CYP4Z1: variants seen among roughly 807,000 people sequenced by gnomAD.
The protein encoded by CYP4Z1 is cytochrome P450 4Z1.
Under a neutral mutation model 54.2 loss-of-function variants are expected in CYP4Z1, and 41 were observed. That is an observed-to-expected ratio of 0.76 (90% CI 0.59 to 0.98). The LOEUF is 0.98. CYP4Z1 is among the 50% of genes least tolerant of loss of function. CYP4Z1 has a pLI of 0.00. For missense variants in CYP4Z1, 513 were observed against 599.0 expected, an observed-to-expected ratio of 0.86 and a Z score of 1.50; for synonymous variants, 163 against 206.2, an observed-to-expected ratio of 0.79 and a Z score of 1.79.
At chr1:47,086,818 T>C (rs1476488606) in intron 6 of CYP4Z1, among the ~76,000 whole-genome samples, 4 of 152,226 alleles carry the variant, frequency 2.6e-5, no homozygotes, top group Non-Finnish European at 5.9e-5. Context: ...AGGGTTTTTA[T>C]GGTTTTATGT....
At position 47,070,339 on chromosome 1, in the gene CYP4Z1, T is replaced by C. The variant is rs1644481868; in HGVS notation, c.319+1576T>C. 1.7e-5 allele frequency among the ~76,000 whole-genome samples: 2 copies of C among 114,980 alleles called. 1 individual carries two copies. The allele number at this position is 114,980 out of a possible 152,430, so 75.4% of individuals were successfully genotyped here. ...TTTACCATTTTAAATCACTTTTAAG[T>C]ATACAATTTAATGGCATTAAATACA... On this transcript the variant is annotated intron_variant, in intron 2 of 11. Coordinates refer to ENST00000334194, the MANE Select transcript of CYP4Z1 (RefSeq NM_178134.3).
At chr1:47,084,004 T>C (rs1167647837) in intron 4 of CYP4Z1, among the ~76,000 whole-genome samples, 1 of 152,212 alleles carries the variant, frequency 6.6e-6, no homozygotes, top group African/African-American at 2.4e-5. Flanking sequence ...AATATTTATA[T>C]TGAAATGGAG....
chr1:47,057,753 A>G, the CYP4Z1 span, among the ~76,000 whole-genome samples: 1 of 152,028 alleles, frequency 6.6e-6, no homozygotes, highest in South Asian at 2.1e-4. Context: ...AATATTTATA[A>G]TCACTGAAAA....
chr1:47,105,925 G>GA (rs1005818442), intron 8 of CYP4Z1, among the ~76,000 whole-genome samples: 3 of 151,924 alleles, frequency 2.0e-5, no homozygotes, highest in African/African-American at 7.3e-5. Context: ...CTGCGGGGGG[G>GA]GGAGAATCAC....
intron 6 of CYP4Z1, among the ~76,000 whole-genome samples, chr1:47,089,707 G>T (rs1277205513): frequency 1.3e-5 from 2 of 152,182 alleles, no homozygotes; most frequent in African/African-American, 4.8e-5. Flanking sequence ...ACTCCAAACA[G>T]TGCTGCAGGC....
At chr1:47,066,554 T>C (rs1440077257), upstream of CYP4Z1, among the ~76,000 whole-genome samples, 3 of 152,062 alleles carry the variant, frequency 2.0e-5, no homozygotes, top group Non-Finnish European at 4.4e-5. Context: ...CAGCCAACAT[T>C]ATACTGAAAG....
chr1:47,064,080 C>CTTTT (rs34267768), upstream of CYP4Z1, among the ~76,000 whole-genome samples: 23 of 119,518 alleles, frequency 1.9e-4, 1 homozygote, highest in African/African-American at 5.4e-4. Flanking sequence ...GATTTGGGTC[C>CTTTT]TTTTTTTTTT....
chr1:47,111,415 C>A (rs1557635148), intron 9 of CYP4Z1, among the ~76,000 whole-genome samples: 1 of 152,256 alleles, frequency 6.6e-6, no homozygotes, highest in Non-Finnish European at 1.5e-5. Context: ...AGTCTCCTGA[C>A]CTTGTGATCC....
chr1:47,110,352 G>A (rs1557634757), intron 9 of CYP4Z1, among the ~76,000 whole-genome samples: 1 of 149,064 alleles, frequency 6.7e-6, no homozygotes, highest in Non-Finnish European at 1.5e-5. Flanking sequence ...CTGTAAGCTA[G>A]AGCAAGCAGA....
At position 47,086,704 on chromosome 1, in the gene CYP4Z1, C is replaced by T. The variant is rs566002925; in HGVS notation, c.772+1726C>T. 2.6e-4 allele frequency among the ~76,000 whole-genome samples: 39 copies of T among 152,230 alleles called. 1 individual carries two copies. The highest frequency in any genetic ancestry group is 7.9e-4 in the Admixed American group (12 of 15,280). ...CAGAAGCTCTTTAGTTTAATAAGATCCCATTTGTCAATTTTGGTTTCTGTT... is the reference window on the plus strand; with the variant it reads ...CAGAAGCTCTTTAGTTTAATAAGATTCCATTTGTCAATTTTGGTTTCTGTT... On this transcript the variant is annotated intron_variant, in intron 6 of 11. Transcript: ENST00000334194.
intron 1 of CYP4Z1, 98 bp from the exon 2 acceptor site, chr1:47,068,524 T>C (rs1325213644): frequency 6.8e-7 from 1 of 1,468,208 alleles, no homozygotes; most frequent in Non-Finnish European, 9.3e-7. Flanking sequence ...TGGGGTGGTG[T>C]CCACAGATCC....
intron 2 of CYP4Z1, among the ~76,000 whole-genome samples, chr1:47,077,284 T>A (rs1008638944): frequency 1.3e-5 from 2 of 152,282 alleles, no homozygotes; most frequent in Non-Finnish European, 2.9e-5. Context: ...TATTTATATA[T>A]TATAACTGTT....
chr1:47,108,342 T>C (rs532117978), intron 9 of CYP4Z1, among the ~76,000 whole-genome samples: 12 of 152,330 alleles, frequency 7.9e-5, no homozygotes, highest in African/African-American at 2.9e-4. Flanking sequence ...CTTTCTCTAC[T>C]GTCACTCATC....
chr1:47,083,234 A>G (rs1448631226), intron 4 of CYP4Z1, among the ~76,000 whole-genome samples: 1 of 152,128 alleles, frequency 6.6e-6, no homozygotes, highest in African/African-American at 2.4e-5. Context: ...TCCCCTAAAC[A>G]CGTCAGCTTG....
At chr1:47,065,566 C>T (rs891249498), upstream of CYP4Z1, among the ~76,000 whole-genome samples, 1 of 151,948 alleles carries the variant, frequency 6.6e-6, no homozygotes, top group African/African-American at 2.4e-5. Context: ...CATCAAATGC[C>T]TATATCAAAA....
intron 10 of CYP4Z1, 142 bp downstream of exon 10, chr1:47,115,735 A>C (rs1644825641): frequency 1.3e-6 from 1 of 766,592 alleles, no homozygotes; most frequent in African/African-American, 1.8e-5. Context: ...CTATGCTTTT[A>C]AGAGAAAACT....
At chr1:47,117,696 A>C in intron 11 of CYP4Z1, 70 bp from the exon 12 acceptor site, 1 of 1,480,774 alleles carries the variant, frequency 6.8e-7, no homozygotes, top group South Asian at 1.5e-5. Flanking sequence ...CATATATAAA[A>C]AGATTGGCGT....
chr1:47,063,852 C>A (rs1395952723), upstream of CYP4Z1, among the ~76,000 whole-genome samples: 1 of 152,068 alleles, frequency 6.6e-6, no homozygotes, highest in Non-Finnish European at 1.5e-5. Flanking sequence ...CCTGGCCTTG[C>A]TGGAGATCTA....
intron 8 of CYP4Z1, among the ~76,000 whole-genome samples, chr1:47,105,904 G>A (rs771306925): frequency 3.0e-5 from 4 of 133,094 alleles, no homozygotes; most frequent in Non-Finnish European, 4.7e-5. Flanking sequence ...CTCAGGATAA[G>A]AGCCCTATAT....
Sources: gnomAD v4.1 joint callset for allele counts (sites outside exome capture counted in the v4.1 genomes callset) on GRCh38, gnomAD v4.1.1 for gene constraint, MANE v1.5 for transcripts, NCBI Gene and HGNC (gene_info 2026-07-23, HGNC 2026-07-21) for gene names.